TSPAN11: variants seen among roughly 807,000 people sequenced by gnomAD.
TSPAN11 encodes tetraspanin 11, also known as tetraspanin-11.
A neutral mutation model predicts 32.9 loss-of-function variants in TSPAN11; 29 were observed. The observed-to-expected ratio is 0.88, with a 90% CI of 0.66 to 1.20. TSPAN11 has a LOEUF of 1.20. Among genes scored for constraint, TSPAN11 ranks in the 50% most tolerant of loss-of-function variants. The pLI is 0.00. For synonymous variants in TSPAN11, 140 were observed against 141.3 expected, an observed-to-expected ratio of 0.99 and a Z score of 0.07; for missense variants, 283 against 329.1, an observed-to-expected ratio of 0.86 and a Z score of 1.08.
intron 3 of TSPAN11, among the ~76,000 whole-genome samples, chr12:30,974,057 C>A (rs916142778): frequency 1.3e-5 from 2 of 152,232 alleles, no homozygotes; most frequent in Non-Finnish European, 2.9e-5. Context: ...TATAGGCTTC[C>A]CTGATCCTTC....
At chr12:31,014,496 G>A in the TSPAN11 span, among the ~76,000 whole-genome samples, 39 of 152,276 alleles carry the variant, frequency 2.6e-4, no homozygotes, top group African/African-American at 7.5e-4. Context: ...CCCTAGTTGA[G>A]ATCAAGCCGA....
chr12:30,942,174 T>G (rs1938179657), intron 1 of TSPAN11, among the ~76,000 whole-genome samples: 1 of 152,184 alleles, frequency 6.6e-6, no homozygotes, highest in South Asian at 2.1e-4. Flanking sequence ...ATCGGGAAGC[T>G]CTTAGAGAGT....
intron 1 of TSPAN11, among the ~76,000 whole-genome samples, chr12:30,933,127 T>C (rs911703837): frequency 2.6e-5 from 4 of 152,114 alleles, no homozygotes; most frequent in African/African-American, 9.7e-5. Flanking sequence ...CAGCTGCTGC[T>C]CTAGTGGGGA....
intron 1 of TSPAN11, among the ~76,000 whole-genome samples, chr12:30,952,702 T>C (rs1348602356): frequency 6.6e-6 from 1 of 152,060 alleles, no homozygotes; most frequent in South Asian, 2.1e-4. Context: ...TTGGAAATAA[T>C]GGAGGAAGAG....
rs73091920 is a variant in TSPAN11 at position 30,972,916 on chromosome 12, G to A, written c.277-5645G>A. ...GCAGTGACGGATGCTTATGCGCCCA[G>A]GGAGGGCTTCCCTGGGCTTCCTTCT... On this transcript the variant is annotated intron_variant, in intron 3 of 7. Transcript: ENST00000546076. Among the ~76,000 whole-genome samples the A allele has an allele frequency of 3.2e-3, 492 of 152,148 alleles. 2 individuals carry two copies. The highest frequency in any genetic ancestry group is 8.2e-3 in the African/African-American group (340 of 41,504).
intron 1 of TSPAN11, 134 bp from the exon 2 acceptor site, chr12:30,953,847 T>G: frequency 1.6e-6 from 1 of 628,134 alleles, no homozygotes; most frequent in Non-Finnish European, 2.8e-6. Flanking sequence ...ATGCTGCACA[T>G]GCAGAGCCTC....
At chr12:31,016,209 T>C in the TSPAN11 span, among the ~76,000 whole-genome samples, 1 of 152,184 alleles carries the variant, frequency 6.6e-6, no homozygotes, top group East Asian at 1.9e-4. Flanking sequence ...AACAGTCAGA[T>C]TCATAGCAGC....
At chr12:30,991,656 C>T (rs909273682) in intron 7 of TSPAN11, among the ~76,000 whole-genome samples, 200 bp from the exon 8 acceptor site, 1 of 152,214 alleles carries the variant, frequency 6.6e-6, no homozygotes, top group Non-Finnish European at 1.5e-5. Flanking sequence ...CCCCCAGGCA[C>T]ACCACCATCA....
At chr12:31,008,902 G>C in the TSPAN11 span, among the ~76,000 whole-genome samples, 1 of 152,144 alleles carries the variant, frequency 6.6e-6, no homozygotes, top group African/African-American at 2.4e-5. Context: ...GGAGAGACTC[G>C]GAAGGTCACC....
At chr12:30,971,081 G>A (rs970854860) in intron 3 of TSPAN11, among the ~76,000 whole-genome samples, 1 of 152,130 alleles carries the variant, frequency 6.6e-6, no homozygotes, top group African/African-American at 2.4e-5. Context: ...AACCTTGGCA[G>A]GGTCTTGGGT....
At chr12:30,991,294 T>G (rs1187326049) in intron 7 of TSPAN11, among the ~76,000 whole-genome samples, 1 of 152,142 alleles carries the variant, frequency 6.6e-6, no homozygotes, top group Non-Finnish European at 1.5e-5. Flanking sequence ...AGAGTCTCAG[T>G]TTCCCCCATG....
At chr12:30,982,096 G>A (rs1939103521) in intron 5 of TSPAN11, among the ~76,000 whole-genome samples, 1 of 152,160 alleles carries the variant, frequency 6.6e-6, no homozygotes, top group Non-Finnish European at 1.5e-5. Context: ...ATGGGGGCCT[G>A]GGAGCCTCTG....
intron 1 of TSPAN11, among the ~76,000 whole-genome samples, chr12:30,937,760 C>T (rs1350757899): frequency 6.6e-6 from 1 of 152,102 alleles, no homozygotes; most frequent in Non-Finnish European, 1.5e-5. Flanking sequence ...CAGGCATGAC[C>T]CCAGACTTAC....
intron 1 of TSPAN11, among the ~76,000 whole-genome samples, chr12:30,936,490 C>A (rs998275616): frequency 7.9e-5 from 12 of 152,148 alleles, no homozygotes; most frequent in Non-Finnish European, 1.8e-4. Context: ...ACCAAACACA[C>A]CCCTACAATG....
chr12:30,974,603 G>A (rs758320688), intron 3 of TSPAN11, among the ~76,000 whole-genome samples: 3 of 152,180 alleles, frequency 2.0e-5, no homozygotes, highest in African/African-American at 4.8e-5. Context: ...TCTTTATCAG[G>A]GGATGTCTGC....
At chr12:30,965,216 C>G (rs1019304139) in intron 3 of TSPAN11, among the ~76,000 whole-genome samples, 1 of 152,226 alleles carries the variant, frequency 6.6e-6, no homozygotes, top group Non-Finnish European at 1.5e-5. Flanking sequence ...GAACCCCTCT[C>G]CTCTGCAGTG....
chr12:30,958,366 G>A (rs76253209), intron 2 of TSPAN11, among the ~76,000 whole-genome samples: 7,968 of 152,274 alleles, frequency 0.052, 710 homozygotes, highest in African/African-American at 0.18. Flanking sequence ...GCAGGAGCAT[G>A]GGCAGAGCTG....
chr12:30,954,184 T>G (rs1235106023), intron 2 of TSPAN11, 109 bp downstream of exon 2: 2 of 779,446 alleles, frequency 2.6e-6, no homozygotes, highest in Middle Eastern at 2.2e-4. Flanking sequence ...AAATCAAAGA[T>G]CAACGATCAA....
intron 3 of TSPAN11, among the ~76,000 whole-genome samples, chr12:30,964,356 TTCCCC>T (rs2140293399): frequency 6.6e-6 from 1 of 151,294 alleles, no homozygotes; most frequent in East Asian, 1.9e-4. Context: ...TTCTGTACCC[TTCCCC>T]TCCTCCTTAT....
Sources: allele counts gnomAD v4.1 joint callset (sites outside exome capture counted in the v4.1 genomes callset), GRCh38; gene constraint gnomAD v4.1.1; transcripts MANE v1.5; gene names NCBI Gene and HGNC (gene_info 2026-07-23, HGNC 2026-07-21).